TAFA5: variants seen among roughly 807,000 people sequenced by gnomAD.
TAFA5 encodes TAFA chemokine like family member 5.
Under a neutral mutation model 15.3 loss-of-function variants are expected in TAFA5, and 6 were observed. The observed-to-expected ratio is 0.39, with a 90% confidence interval of 0.21 to 0.77. TAFA5 has a LOEUF of 0.77. TAFA5 is among the 30% of genes least tolerant of loss of function. TAFA5 has a pLI of 0.41. For synonymous variants in TAFA5, 103 were observed against 80.7 expected (o/e 1.28, Z -1.48); for missense variants, 161 against 193.1 (o/e 0.83, Z 0.98).
chr22:48,692,497 C>T (rs929854284), intron 2 of TAFA5, among the ~76,000 whole-genome samples: 1 of 152,204 alleles, frequency 6.6e-6, no homozygotes, highest in Non-Finnish European at 1.5e-5. Context: ...CTCTTGGGTT[C>T]AAGTGATCCT....
At chr22:48,618,560 G>C (rs1925696005) in intron 1 of TAFA5, among the ~76,000 whole-genome samples, 1 of 152,230 alleles carries the variant, frequency 6.6e-6, no homozygotes, top group Non-Finnish European at 1.5e-5. Flanking sequence ...CGCACCCGCA[G>C]CTCCGTCTGG....
chr22:48,577,408 C>T (rs993892277), intron 1 of TAFA5, among the ~76,000 whole-genome samples: 2 of 152,172 alleles, frequency 1.3e-5, no homozygotes, highest in African/African-American at 4.8e-5. Flanking sequence ...CCTGGCCTGT[C>T]ATATCAGACT....
intron 2 of TAFA5, among the ~76,000 whole-genome samples, chr22:48,674,540 T>C (rs1445995995): frequency 6.6e-6 from 1 of 152,194 alleles, no homozygotes; most frequent in African/African-American, 2.4e-5. Context: ...AATCGCGTCA[T>C]TTGCAAACCA....
intron 2 of TAFA5, among the ~76,000 whole-genome samples, chr22:48,684,972 C>T (rs1229036195): frequency 6.6e-6 from 1 of 152,152 alleles, no homozygotes; most frequent in Non-Finnish European, 1.5e-5. Flanking sequence ...GGGTGATAGT[C>T]TCAGGAAGAC....
In TAFA5 at chr22:48,669,488, G is replaced by A. The variant is rs554477529; in HGVS notation, c.262+22742G>A. ...CCTCAGTAGGGCTGCATCCCAGGCA[G>A]ATTTGCCAGCCTCGCCATGGTGAAT... On this transcript the variant is annotated intron_variant, in intron 2 of 3. Coordinates refer to ENST00000402357, the MANE Select transcript of TAFA5 (RefSeq NM_001082967.3). Among the ~76,000 whole-genome samples the A allele has an allele frequency of 2.6e-5, 4 of 152,374 alleles. No individual in the cohort carries two copies. The South Asian group carries it at 6.2e-4, about 24-fold the overall frequency.
At chr22:48,595,987 G>C (rs970838099) in intron 1 of TAFA5, among the ~76,000 whole-genome samples, 1 of 152,232 alleles carries the variant, frequency 6.6e-6, no homozygotes, top group Non-Finnish European at 1.5e-5. Context: ...GGAGGAATTA[G>C]TGGTATTACT....
chr22:48,581,437 G>A (rs1203646214), intron 1 of TAFA5, among the ~76,000 whole-genome samples: 1 of 152,220 alleles, frequency 6.6e-6, no homozygotes, highest in Non-Finnish European at 1.5e-5. Flanking sequence ...TGTTGCTGCC[G>A]TGCTGAGCAC....
At chr22:48,732,252 G>GTTGTT (rs1929887903) in intron 3 of TAFA5, among the ~76,000 whole-genome samples, 1 of 130,314 alleles carries the variant, frequency 7.7e-6, no homozygotes, top group Non-Finnish European at 1.7e-5. Flanking sequence ...GGGTTTTTTT[G>GTTGTT]TTGTTTTGTT....
chr22:48,704,186 C>G (rs1436996839), intron 2 of TAFA5, among the ~76,000 whole-genome samples: 3 of 123,754 alleles, frequency 2.4e-5, no homozygotes, highest in Admixed American at 8.6e-5. Context: ...GAAACACACC[C>G]TCAACACACA....
intron 2 of TAFA5, among the ~76,000 whole-genome samples, chr22:48,681,001 T>C (rs1184411023): frequency 6.6e-6 from 1 of 152,238 alleles, no homozygotes; most frequent in African/African-American, 2.4e-5. Flanking sequence ...GCTGGAAACC[T>C]CAGACATGTT....
intron 1 of TAFA5, among the ~76,000 whole-genome samples, chr22:48,593,015 G>A (rs1193912429): frequency 6.6e-6 from 1 of 152,150 alleles, no homozygotes; most frequent in Admixed American, 6.5e-5. Context: ...GCTGAGTGGG[G>A]CGGGGGGGTC....
intron 2 of TAFA5, among the ~76,000 whole-genome samples, chr22:48,673,171 A>G (rs908579893): frequency 6.6e-6 from 1 of 152,190 alleles, no homozygotes; most frequent in Non-Finnish European, 1.5e-5. Context: ...CATCACCGTC[A>G]TCTTCTCCTC....
In TAFA5 at chr22:48,558,093, G is replaced by A. The variant is rs545932806; in HGVS notation, c.112+68389G>A. Among the ~76,000 whole-genome samples, 532 of 152,302 alleles carry A rather than the reference G, an allele frequency of 3.5e-3. 1 individual carries two copies. Among genetic ancestry groups the A allele is most frequent in the Admixed American group, 7.6e-3 (116 of 15,304 alleles). ...CACCAAGATCAGCACAACCTCCAGG[G>A]AACAGGGAAGGTGATGGGGACTCCC... On this transcript the variant is annotated intron_variant, in intron 1 of 3. Transcript: ENST00000402357.
chr22:48,499,275 C>T (rs921578285), intron 1 of TAFA5, among the ~76,000 whole-genome samples: 5 of 152,190 alleles, frequency 3.3e-5, no homozygotes, highest in Non-Finnish European at 7.3e-5. Flanking sequence ...ACTCCCGCAC[C>T]GACGGCGGCG....
At chr22:48,626,324 C>A (rs111579697) in intron 1 of TAFA5, among the ~76,000 whole-genome samples, 1 of 152,148 alleles carries the variant, frequency 6.6e-6, no homozygotes, top group Non-Finnish European at 1.5e-5. Context: ...CGTGAAGGAG[C>A]GTTCCTGTTG....
intron 1 of TAFA5, among the ~76,000 whole-genome samples, chr22:48,618,964 G>C (rs1925711564): frequency 6.6e-6 from 1 of 152,236 alleles, no homozygotes; most frequent in Non-Finnish European, 1.5e-5. Flanking sequence ...ACCCAGGGCA[G>C]AGTGAATGTC....
At position 48,633,583 on chromosome 22, in the gene TAFA5, TCTCTCTCTTTTCC is replaced by T. The variant is rs1434894100; in HGVS notation, c.113-13005_113-12993del. 7.9e-5 allele frequency among the ~76,000 whole-genome samples: 12 copies of T among 151,640 alleles called. No individual in the cohort carries two copies. In the South Asian group the frequency reaches 1.3e-3, roughly 16 times the overall value. On this transcript the variant is annotated intron_variant, in intron 1 of 3. Coordinates refer to ENST00000402357, the MANE Select transcript of TAFA5 (RefSeq NM_001082967.3). ...CCATCTCTCCATGCTTTGCTCTGTA[TCTCTCTCTTTTCC>T]CTCTCTCTGCATCTTTCTTGGTGCA...
intron 3 of TAFA5, among the ~76,000 whole-genome samples, chr22:48,720,031 G>C (rs1159063971): frequency 6.6e-6 from 1 of 152,182 alleles, no homozygotes; most frequent in African/African-American, 2.4e-5. Context: ...CATTAGGCTC[G>C]ATCTTCCTTA....
intron 1 of TAFA5, among the ~76,000 whole-genome samples, chr22:48,559,251 A>G (rs1157459048): frequency 1.3e-5 from 2 of 152,204 alleles, no homozygotes; most frequent in Non-Finnish European, 2.9e-5. Context: ...GCTGCCCCGC[A>G]GCAGATTTTG....
Sources: gnomAD v4.1 joint callset for allele counts (sites outside exome capture counted in the v4.1 genomes callset) on GRCh38, gnomAD v4.1.1 for gene constraint, MANE v1.5 for transcripts, NCBI Gene and HGNC (gene_info 2026-07-23, HGNC 2026-07-21) for gene names.